PTPRU: variants seen among roughly 807,000 people sequenced by gnomAD.
PTPRU encodes the protein receptor-type tyrosine-protein phosphatase U.
A neutral mutation model predicts 166.3 loss-of-function variants in PTPRU; 69 were observed. The ratio of observed to expected loss-of-function variants is 0.41; its 90% confidence interval spans 0.34 to 0.51. The LOEUF is 0.51. Ranked by LOEUF, PTPRU falls within the 20% of genes least tolerant of loss-of-function variation. PTPRU has a pLI of 0.09. For synonymous variants in PTPRU, 793 were observed against 814.0 expected (o/e 0.97, Z 0.44); for missense variants, 1,657 against 2,013.7 (o/e 0.82, Z 3.39).
chr1:29,254,728 T>C (rs1574613222), intron 1 of PTPRU, among the ~76,000 whole-genome samples: 1 of 152,302 alleles, frequency 6.6e-6, no homozygotes. Flanking sequence ...ATGGCATGCA[T>C]GGTCCTGCCA....
intron 7 of PTPRU, among the ~76,000 whole-genome samples, chr1:29,262,273 C>T (rs748013835): frequency 1.3e-5 from 2 of 152,180 alleles, no homozygotes; most frequent in Non-Finnish European, 2.9e-5. Context: ...GAGTATATAA[C>T]CTCTAGAATT....
Position 29,279,676 on chromosome 1 carries a change from G to A in PTPRU, c.1765+19G>A, listed in dbSNP as rs749382957. On this transcript the variant is annotated intron_variant, in intron 10 of 29. Transcript: ENST00000373779. This position sits in a 1 kb window ranked among gnomAD's most constrained non-coding sequence, Gnocchi z 5.2. ...ATCTCTGGTGAGCCCCACCTGACCC[G>A]GCCCAGCCTCTTCGGAGGTGGCCCA... is the stretch of plus-strand genomic sequence containing the variant. 2.1e-5 allele frequency: 34 copies of A among 1,607,292 alleles called. No individual in the cohort carries two copies. Among genetic ancestry groups the A allele is most frequent in the Non-Finnish European group, 2.4e-5 (28 of 1,178,790 alleles).
chr1:29,263,678 C>T (rs552709488), intron 7 of PTPRU, among the ~76,000 whole-genome samples: 1 of 152,236 alleles, frequency 6.6e-6, no homozygotes, highest in African/African-American at 2.4e-5. Context: ...TTCTTATAAG[C>T]ACTCTAGTAT....
chr1:29,258,881 A>G (rs1684892873), intron 3 of PTPRU, 105 bp downstream of exon 3: 2 of 1,459,484 alleles, frequency 1.4e-6, no homozygotes, highest in Non-Finnish European at 1.8e-6. Flanking sequence ...ATGTGTCTGC[A>G]TTCAGTATCA....
intron 18 of PTPRU, among the ~76,000 whole-genome samples, chr1:29,310,020 C>T (rs761737250): frequency 5.3e-5 from 8 of 152,068 alleles, no homozygotes; most frequent in African/African-American, 9.7e-5. Context: ...GGTGGCTTGT[C>T]GGAGGGCAGG....
chr1:29,268,683 A>G (rs1383481168), intron 7 of PTPRU, among the ~76,000 whole-genome samples: 1 of 152,236 alleles, frequency 6.6e-6, no homozygotes, highest in Non-Finnish European at 1.5e-5. Flanking sequence ...CTTAACACAC[A>G]GTAAGCACCC....
At chr1:29,256,782 A>C (rs1393747220) in intron 2 of PTPRU, among the ~76,000 whole-genome samples, 1 of 152,214 alleles carries the variant, frequency 6.6e-6, no homozygotes, top group African/African-American at 2.4e-5. Context: ...CATGGTTGGC[A>C]GTCAGGTACA....
chr1:29,325,354 A>C, intron 29 of PTPRU, 28 bp downstream of exon 29: 1 of 1,612,136 alleles, frequency 6.2e-7, no homozygotes, highest in Non-Finnish European at 8.5e-7. Context: ...GTGCCCAGCC[A>C]CTTCCACCTT....
At chr1:29,286,500 G>A (rs923687506) in intron 14 of PTPRU, among the ~76,000 whole-genome samples, 4 of 152,096 alleles carry the variant, frequency 2.6e-5, no homozygotes, top group Admixed American at 1.3e-4. Context: ...ACTCAGGCTC[G>A]CCTACAAATG....
chr1:29,238,544 C>T lies in PTPRU; in HGVS notation c.73+1827C>T, dbSNP rs560880311. 1.0e-3 allele frequency among the ~76,000 whole-genome samples: 157 copies of T among 152,328 alleles called. No homozygotes were observed. The highest frequency in any genetic ancestry group is 1.9e-3 in the Non-Finnish European group (132 of 68,028). ...TGCTGCTGGCTCCGGTGTCTCGGGCCGGAACTCCTGTGGCTCCAGCGTTCG... is the reference window on the plus strand; with the variant it reads ...TGCTGCTGGCTCCGGTGTCTCGGGCTGGAACTCCTGTGGCTCCAGCGTTCG... On this transcript the variant is annotated intron_variant, in intron 1 of 29. Coordinates refer to ENST00000373779, the MANE Select transcript of PTPRU (RefSeq NM_133178.4). The surrounding 1 kb of genome is among the most constrained non-coding windows in gnomAD (Gnocchi z 6.1).
At chr1:29,248,688 G>GA (rs1684404550) in intron 1 of PTPRU, among the ~76,000 whole-genome samples, 1 of 152,064 alleles carries the variant, frequency 6.6e-6, no homozygotes, top group African/African-American at 2.4e-5. Context: ...CTGGTGTGAG[G>GA]AAAGTCTGGT....
Position 29,304,810 on chromosome 1 carries a change from G to A in PTPRU, c.2704G>A (p.Asp902Asn). ...FEGWDATKKK[D>N]KVKGSRQEPM... ...AGGCTGGGACGCCACAAAGAAGAAA[G>A]ACAAGGTCAAGGGCAGCCGGCAGGA... is the stretch of plus-strand genomic sequence containing the variant. The change falls in exon 17 of 30, where the codon GAC becomes AAC. Residue 902 changes from aspartate (D) to asparagine (N), a missense_variant. Asp to Asn is a conservative substitution (Grantham distance 23). This residue lies in a region of PTPRU where 1,190 missense variants were observed against 1,477.4 expected (regional missense o/e 0.81). Transcript: ENST00000373779. The A allele has an allele frequency of 1.2e-6, 2 of 1,612,770 alleles. No homozygotes were observed. Among genetic ancestry groups the A allele is most frequent in the Non-Finnish European group, 1.7e-6 (2 of 1,178,982 alleles).
intron 8 of PTPRU, among the ~76,000 whole-genome samples, chr1:29,277,825 T>TTTTTTTTTTTTTTC: frequency 8.2e-6 from 1 of 121,762 alleles, no homozygotes; most frequent in Non-Finnish European, 1.7e-5. Context: ...TTTTTTTTTT[T>TTTTTTTTTTTTTTC]TTTTTTTTTT....
chr1:29,303,986 C>G lies in PTPRU; in HGVS notation c.2608C>G (p.Leu870Val). 6.2e-7 allele frequency: 1 copy of G among 1,613,410 alleles called. No individual in the cohort carries two copies. The change falls in exon 16 of 30, where the codon CTG becomes GTG. Residue 870 changes from leucine to valine, a missense_variant. This residue lies in a region of PTPRU where 1,190 missense variants were observed against 1,477.4 expected (regional missense o/e 0.81). Transcript: ENST00000373779. ...CCCTGCGGTGCGTGTCGCAGACCTT[C>G]TGCAGCACATCAACCAGATGAAGAC... ...LHPAVRVADL[L>V]QHINQMKTAE...
At position 29,311,429 on chromosome 1, in the gene PTPRU, A is replaced by G; in HGVS notation, c.2858-27A>G. ...CTGGGGTGGAGACCTTGTCTCAGGG[A>G]CAGGCACCCTCTGCCTGCATCCCCA... is the stretch of plus-strand genomic sequence containing the variant. On this transcript the variant is annotated intron_variant, in intron 19 of 29. Transcript: ENST00000373779. The surrounding 1 kb of genome is among the most constrained non-coding windows in gnomAD (Gnocchi z 4.1). The G allele has an allele frequency of 6.2e-7, 1 of 1,606,172 alleles. No individual in the cohort carries two copies.
chr1:29,252,326 G>A (rs1684587552), intron 1 of PTPRU, among the ~76,000 whole-genome samples: 1 of 151,246 alleles, frequency 6.6e-6, no homozygotes, highest in Non-Finnish European at 1.5e-5. Flanking sequence ...GGAGTGCAGG[G>A]GTACCATCTC....
intron 7 of PTPRU, among the ~76,000 whole-genome samples, chr1:29,274,459 G>T (rs1685706589): frequency 6.6e-6 from 1 of 151,524 alleles, no homozygotes; most frequent in Non-Finnish European, 1.5e-5. Context: ...TTTTTGCTTT[G>T]ACAGCCAGGG....
rs974124276 is a variant in PTPRU at position 29,315,563 on chromosome 1, G to T, written c.3363+56G>T. On this transcript the variant is annotated intron_variant, in intron 23 of 29. Transcript: ENST00000373779. The surrounding 1 kb of genome is among the most constrained non-coding windows in gnomAD (Gnocchi z 4.5). ...ATTACTTCTAGGACTGGAGTTTCTC[G>T]TGAAGGATCCTGGAGCCGGCAGAGC... 3.7e-6 allele frequency: 6 copies of T among 1,607,420 alleles called. No individual in the cohort carries two copies. In the African/African-American group the frequency reaches 4.0e-5, roughly 11 times the overall value.
At chr1:29,306,585 C>T (rs1574703515) in intron 18 of PTPRU, among the ~76,000 whole-genome samples, 1 of 152,134 alleles carries the variant, frequency 6.6e-6, no homozygotes, top group Non-Finnish European at 1.5e-5. Flanking sequence ...GCTGGTGTGG[C>T]GGGCTTTGTG....
Sources: gnomAD v4.1 joint callset for allele counts (sites outside exome capture counted in the v4.1 genomes callset) on GRCh38, gnomAD v4.1.1 for gene constraint, gnomAD v4.1.1 regional missense constraint, Gnocchi (gnomAD v3.1) non-coding constraint, MANE v1.5 for transcripts, NCBI Gene and HGNC (gene_info 2026-07-23, HGNC 2026-07-21) for gene names.